Variants in CGAS observed in about 807,000 individuals in gnomAD.
CGAS encodes 2'3'-cGAMP synthase.
CGAS carries 31 observed loss-of-function variants against 34.0 expected under a neutral mutation model. The ratio of observed to expected loss-of-function variants is 0.91; its 90% confidence interval spans 0.69 to 1.23. The LOEUF is 1.23. Ranked by LOEUF, CGAS falls within the 50% of genes most tolerant of loss-of-function variation. CGAS has a pLI of 0.00. For missense variants in CGAS, 597 were observed against 657.6 expected (o/e 0.91, Z 1.01); for synonymous variants, 266 against 260.0 (o/e 1.02, Z -0.22).
chr6:73,439,405 C>T (rs1205345395), intron 3 of CGAS, among the ~76,000 whole-genome samples: 7 of 150,436 alleles, frequency 4.7e-5, no homozygotes, highest in South Asian at 2.1e-4. Context: ...CGCTTTAACC[C>T]GGGAGGCAGA....
At chr6:73,447,512 G>C (rs190277063) in intron 1 of CGAS, among the ~76,000 whole-genome samples, 86 of 152,276 alleles carry the variant, frequency 5.6e-4, no homozygotes, top group African/African-American at 2.0e-3. Context: ...TCAAACTCCT[G>C]ACCTCAAGTG....
intron 3 of CGAS, among the ~76,000 whole-genome samples, chr6:73,431,281 C>T (rs544123254): frequency 2.2e-4 from 34 of 152,016 alleles, no homozygotes; most frequent in African/African-American, 7.5e-4. Context: ...ACCAGCCGGA[C>T]CAACATGGTG....
In CGAS at chr6:73,440,440, C is replaced by A; in HGVS notation, c.883G>T (p.Asp295Tyr). 6.2e-7 allele frequency: 1 copy of A among 1,609,918 alleles called. No homozygotes were observed. ...KEEINDIKDTDVIMKRKRGGS... is the reference protein window; with the variant it reads ...KEEINDIKDTYVIMKRKRGGS... ...CCTCTTTTCCTCTTCATGATGACAT[C>A]TGTATCTGGTTGAACATATAAAAGA... Residue 295 changes from aspartate (D) to tyrosine (Y), a missense_variant, in exon 3 of 5, where the codon GAT becomes TAT. Physicochemically the swap from Asp to Tyr is radical, Grantham distance 160 (BLOSUM62 -3). Around this residue, in one of 3 missense-constraint regions of CGAS, gnomAD observed 271 missense variants for 324.1 expected, o/e 0.84. Coordinates refer to ENST00000370315, the MANE Select transcript of CGAS (RefSeq NM_138441.3).
At chr6:73,425,733 G>T (rs566897455) in intron 4 of CGAS, among the ~76,000 whole-genome samples, 155 bp from the exon 5 acceptor site, 269 of 152,296 alleles carry the variant, frequency 1.8e-3, no homozygotes, top group Non-Finnish European at 2.4e-3. Flanking sequence ...CCAGCACTTT[G>T]GGAGGCTGAG....
At position 73,451,800 on chromosome 6, in the gene CGAS, A is replaced by T. The variant is rs1770572969; in HGVS notation, c.382T>A (p.Cys128Ser). ...AGSCRQRGAR[C>S]STKPRPPPGP... is the part of the protein sequence containing the mutation. ...GGCGGAGGTCTTGGCTTCGTGGAGC[A>T]GCGCGCGCCCCTCTGGCGGCAAGAA... Residue 128 changes from cysteine (C) to serine (S), a missense_variant, in exon 1 of 5, where the codon TGC (cysteine) becomes AGC (serine). Physicochemically the swap from Cys to Ser is moderately radical, Grantham distance 112. Around this residue, in one of 3 missense-constraint regions of CGAS, gnomAD observed 321 missense variants for 314.3 expected, o/e 1.02. Transcript: ENST00000370315. 1.3e-6 allele frequency: 2 copies of T among 1,570,226 alleles called. No individual in the cohort carries two copies. The highest frequency in any genetic ancestry group is 2.7e-5 in the African/African-American group (2 of 73,494).
chr6:73,437,177 AAAAT>A (rs1254986037), intron 3 of CGAS, among the ~76,000 whole-genome samples: 3 of 152,194 alleles, frequency 2.0e-5, no homozygotes, highest in East Asian at 1.9e-4. Flanking sequence ...AATAAAATAA[AAAAT>A]AAAACATGGA....
chr6:73,425,545 T>C lies in CGAS; in HGVS notation c.1251A>G (p.Leu417=). The C allele has an allele frequency of 6.2e-7, 1 of 1,601,022 alleles. No individual in the cohort carries two copies. Among genetic ancestry groups the C allele is most frequent in the Admixed American group, 1.8e-5 (1 of 56,112 alleles). ...KDCLKLMKYL[L]EQLKERFKDK... ...CTTTAAACCTTTCTTTCAGCTGTTC[T>C]AAAAGGTATTTCATTAGTTTTAAAC... Residue 417 remains leucine, a synonymous_variant, in exon 5 of 5, where the codon TTA becomes TTG. Transcript: ENST00000370315.
intron 2 of CGAS, among the ~76,000 whole-genome samples, chr6:73,441,747 A>G (rs1770383762): frequency 6.6e-6 from 1 of 152,182 alleles, no homozygotes; most frequent in Non-Finnish European, 1.5e-5. Context: ...ACTGTCAGAT[A>G]AGACTTCCAC....
At chr6:73,436,392 A>G (rs567041845) in intron 3 of CGAS, among the ~76,000 whole-genome samples, 1 of 148,922 alleles carries the variant, frequency 6.7e-6, no homozygotes, top group East Asian at 1.9e-4. Flanking sequence ...ATATTTACAT[A>G]AGTATTTACA....
intron 2 of CGAS, among the ~76,000 whole-genome samples, chr6:73,443,777 T>C (rs1057396940): frequency 6.6e-6 from 1 of 152,154 alleles, no homozygotes; most frequent in Non-Finnish European, 1.5e-5. Flanking sequence ...CAAATTGCAG[T>C]GAGTGCTCTG....
intron 3 of CGAS, among the ~76,000 whole-genome samples, chr6:73,437,083 C>T (rs917644226): frequency 6.6e-5 from 10 of 152,100 alleles, no homozygotes; most frequent in African/African-American, 2.2e-4. Flanking sequence ...ACCTGGGAGG[C>T]GAAGGCTGCA....
intron 1 of CGAS, 96 bp downstream of exon 1, chr6:73,451,429 G>C: frequency 7.6e-7 from 1 of 1,320,280 alleles, no homozygotes; most frequent in Non-Finnish European, 1.0e-6. Context: ...AGTTACTTCC[G>C]AAGGGAAGTG....
chr6:73,452,147 G>A lies in CGAS; in HGVS notation c.35C>T (p.Ala12Val). Residue 12 changes from alanine (A) to valine (V), a missense_variant, in exon 1 of 5, where the codon GCT (alanine) becomes GTT (valine). Physicochemically the swap from Ala to Val is moderately conservative, Grantham distance 64 (BLOSUM62 0). This residue lies in a region of CGAS where 321 missense variants were observed against 314.3 expected (regional missense o/e 1.02). Coordinates refer to ENST00000370315, the MANE Select transcript of CGAS (RefSeq NM_138441.3). ...QPWHGKAMQRASEAGATAPKA... is the reference protein window; with the variant it reads ...QPWHGKAMQRVSEAGATAPKA... ...GGGGGCAGTGGCTCCGGCCTCGGAA[G>A]CTCTCTGCATGGCCTTTCCGTGCCA... 1.2e-6 allele frequency: 2 copies of A among 1,608,700 alleles called. No individual in the cohort carries two copies. The highest frequency in any genetic ancestry group is 2.2e-5 in the East Asian group (1 of 44,686).
rs774941526 is a variant in CGAS at position 73,451,856 on chromosome 6, G to T, written c.326C>A (p.Ala109Glu). ...APGAEGLEPPAAREPALSRAG... is the reference protein window; with the variant it reads ...APGAEGLEPPEAREPALSRAG... ...CCTGGAAAGAGCCGGCTCCCGAGCCGCAGGAGGCTCCAGCCCCTCTGCCCC... is the reference window on the plus strand; with the variant it reads ...CCTGGAAAGAGCCGGCTCCCGAGCCTCAGGAGGCTCCAGCCCCTCTGCCCC... The change falls in exon 1 of 5, where the codon GCG (alanine) becomes GAG (glutamate). Residue 109 changes from alanine (A) to glutamate (E), a missense_variant. This residue lies in a region of CGAS where 321 missense variants were observed against 314.3 expected (regional missense o/e 1.02). Transcript: ENST00000370315. The T allele has an allele frequency of 4.5e-5, 70 of 1,549,604 alleles. No individual in the cohort carries two copies. Among genetic ancestry groups the T allele is most frequent in the Non-Finnish European group, 5.8e-5 (66 of 1,146,942 alleles).
rs1171406057 is a variant in CGAS at position 73,450,189 on chromosome 6, G to A, written c.657+1336C>T. ...CCCAGCACTTTGGGAGGCTGAGGCT[G>A]GCAGATCACCTGAGGTCGGGAGTTC... On this transcript the variant is annotated intron_variant, in intron 1 of 4. Coordinates refer to ENST00000370315, the MANE Select transcript of CGAS (RefSeq NM_138441.3). Among the ~76,000 whole-genome samples, 3 of 151,402 alleles carry A rather than the reference G, an allele frequency of 2.0e-5. No individual in the cohort carries two copies. In the East Asian group the frequency reaches 5.9e-4, roughly 30 times the overall value.
intron 3 of CGAS, among the ~76,000 whole-genome samples, chr6:73,433,478 TAG>T (rs1414272812): frequency 1.3e-5 from 2 of 150,848 alleles, no homozygotes; most frequent in Non-Finnish European, 2.9e-5. Context: ...AAAACTTTTA[TAG>T]AGAGTTTTTT....
intron 2 of CGAS, among the ~76,000 whole-genome samples, chr6:73,440,694 G>A (rs1229923982): frequency 6.6e-6 from 1 of 152,096 alleles, no homozygotes; most frequent in South Asian, 2.1e-4. Flanking sequence ...TTGAGGTCAG[G>A]AGTTCGAGAC....
intron 4 of CGAS, among the ~76,000 whole-genome samples, chr6:73,426,840 C>CTTT (rs1396742833): frequency 6.9e-6 from 1 of 145,044 alleles, no homozygotes; most frequent in South Asian, 2.2e-4. Flanking sequence ...AACAATATTT[C>CTTT]TTTTTTTTTT....
chr6:73,428,889 C>A, intron 3 of CGAS, 78 bp from the exon 4 acceptor site: 5 of 1,297,292 alleles, frequency 3.9e-6, no homozygotes, highest in East Asian at 2.3e-5. Flanking sequence ...TGGTTTCCCT[C>A]ATGAAAATAT....
Sources: gnomAD v4.1 joint callset for allele counts (sites outside exome capture counted in the v4.1 genomes callset) on GRCh38, gnomAD v4.1.1 for gene constraint, gnomAD v4.1.1 regional missense constraint, MANE v1.5 for transcripts, NCBI Gene and HGNC (gene_info 2026-07-23, HGNC 2026-07-21) for gene names.